The following SPMIP11 variants were observed in gnomAD, a reference collection of about 807,000 sequenced individuals.
SPMIP11 encodes the protein sperm microtubule inner protein 11.
chr12:48,729,377 T>G, the SPMIP11 span, among the ~76,000 whole-genome samples: 1 of 151,658 alleles, frequency 6.6e-6, no homozygotes, highest in Admixed American at 6.6e-5. Context: ...CTACTAAAAA[T>G]ACAAAAAATA....
the SPMIP11 span, among the ~76,000 whole-genome samples, chr12:48,762,866 T>C: frequency 2.0e-5 from 3 of 152,134 alleles, no homozygotes; most frequent in African/African-American, 7.2e-5. Flanking sequence ...GTAACCATTG[T>C]GGGGAAGAGT....
the SPMIP11 span, among the ~76,000 whole-genome samples, chr12:48,744,826 GAAA>G: frequency 7.0e-6 from 1 of 142,538 alleles, no homozygotes; most frequent in African/African-American, 2.5e-5. Context: ...AGAAGAAGAA[GAAA>G]GAAGAAGAAA....
chr12:48,742,276 TCC>T, the SPMIP11 span, among the ~76,000 whole-genome samples: 6 of 102,336 alleles, frequency 5.9e-5, no homozygotes, highest in Admixed American at 9.8e-5. Flanking sequence ...TCTTTTCTTT[TCC>T]TTTTTTTTTT....
chr12:48,769,516 C>T, the SPMIP11 span, among the ~76,000 whole-genome samples: 209 of 151,152 alleles, frequency 1.4e-3, no homozygotes, highest in Admixed American at 3.0e-3. Context: ...CATGCTATAA[C>T]AGTAATCTCC....
the SPMIP11 span, chr12:48,770,856 T>C: frequency 6.2e-7 from 1 of 1,614,244 alleles, no homozygotes; most frequent in Non-Finnish European, 8.5e-7. Context: ...AGGGCAGTGA[T>C]GTGGGAGCGG....
the SPMIP11 span, among the ~76,000 whole-genome samples, chr12:48,752,075 A>G: frequency 1.3e-5 from 2 of 151,404 alleles, no homozygotes; most frequent in African/African-American, 2.4e-5. Context: ...TCAAAAAAAA[A>G]AAAACAAACA....
At chr12:48,754,466 T>G in the SPMIP11 span, among the ~76,000 whole-genome samples, 1 of 152,208 alleles carries the variant, frequency 6.6e-6, no homozygotes, top group South Asian at 2.1e-4. Flanking sequence ...GCATTTTTTT[T>G]TTTAGACGGA....
the SPMIP11 span, among the ~76,000 whole-genome samples, chr12:48,762,119 C>A: frequency 1.7e-5 from 2 of 120,388 alleles, no homozygotes; most frequent in African/African-American, 6.7e-5. Context: ...AGTGCAGTGG[C>A]GCGATCTCGG....
the SPMIP11 span, among the ~76,000 whole-genome samples, chr12:48,760,104 GA>G: frequency 6.6e-6 from 1 of 151,620 alleles, no homozygotes; most frequent in South Asian, 2.1e-4. Flanking sequence ...TCAATGAAAT[GA>G]AATTTGAATT....
chr12:48,759,725 G>GA, the SPMIP11 span, among the ~76,000 whole-genome samples: 14 of 148,392 alleles, frequency 9.4e-5, no homozygotes, highest in Non-Finnish European at 1.8e-4. Context: ...CAGGCAGGAA[G>GA]AAAAAAAAAG....
At chr12:48,756,491 G>A in the SPMIP11 span, among the ~76,000 whole-genome samples, 1 of 152,192 alleles carries the variant, frequency 6.6e-6, no homozygotes, top group African/African-American at 2.4e-5. Context: ...AAACGAGAGA[G>A]ATGAGGGACA....
At chr12:48,752,994 T>A in the SPMIP11 span, among the ~76,000 whole-genome samples, 49 of 152,064 alleles carry the variant, frequency 3.2e-4, no homozygotes, top group Admixed American at 3.1e-3. Context: ...CTTAGCTTCA[T>A]ACCTGACACT....
the SPMIP11 span, among the ~76,000 whole-genome samples, chr12:48,744,674 G>A: frequency 4.6e-5 from 7 of 151,760 alleles, no homozygotes; most frequent in Admixed American, 3.3e-4. Flanking sequence ...AGCCAAGATC[G>A]TGCCACTGCA....
chr12:48,733,810 C>T, the SPMIP11 span, among the ~76,000 whole-genome samples: 5 of 117,404 alleles, frequency 4.3e-5, no homozygotes, highest in African/African-American at 1.6e-4. Flanking sequence ...CTCACTCTGT[C>T]GCCAGGCTGG....
At chr12:48,731,658 A>T in the SPMIP11 span, among the ~76,000 whole-genome samples, 227 of 152,252 alleles carry the variant, frequency 1.5e-3, 1 homozygote, top group African/African-American at 5.2e-3. Flanking sequence ...TAACTTCCTG[A>T]GAGTTAACAA....
At chr12:48,745,577 G>C in the SPMIP11 span, among the ~76,000 whole-genome samples, 1 of 152,202 alleles carries the variant, frequency 6.6e-6, no homozygotes, top group African/African-American at 2.4e-5. Context: ...CCCAGCCTGG[G>C]TGACAGAGTA....
chr12:48,758,082 C>T, the SPMIP11 span, among the ~76,000 whole-genome samples: 1,631 of 152,212 alleles, frequency 0.011, 29 homozygotes, highest in African/African-American at 0.037. Context: ...GAGGGAAGAT[C>T]GCTTGAGCCC....
chr12:48,763,253 T>C, the SPMIP11 span, among the ~76,000 whole-genome samples: 1 of 152,150 alleles, frequency 6.6e-6, no homozygotes, highest in Non-Finnish European at 1.5e-5. Context: ...CACTGCAGCC[T>C]CAACAACCTC....
chr12:48,750,691 T>C, the SPMIP11 span, among the ~76,000 whole-genome samples: 1 of 152,320 alleles, frequency 6.6e-6, no homozygotes, highest in Admixed American at 6.5e-5. Flanking sequence ...TCTACCTTGC[T>C]TACCCTGGTC....
Sources: allele counts gnomAD v4.1 joint callset (sites outside exome capture counted in the v4.1 genomes callset), GRCh38; gene constraint gnomAD v4.1.1; transcripts MANE v1.5; gene names NCBI Gene and HGNC (gene_info 2026-07-23, HGNC 2026-07-21).